The following CNTRL variants were observed in gnomAD, a reference collection of about 807,000 sequenced individuals.
CNTRL encodes 110 kDa centrosomal protein.
In CNTRL, 233 loss-of-function variants were observed where a neutral mutation model predicts 303.7. That is an observed-to-expected ratio of 0.77 (90% CI 0.69 to 0.86). The LOEUF (loss-of-function observed/expected upper bound fraction) is 0.86. Among genes scored for constraint, CNTRL ranks in the 40% least tolerant of loss-of-function variants. The pLI is 0.00. For missense variants in CNTRL, 2,524 were observed against 2,650.6 expected (o/e 0.95, Z 1.05); for synonymous variants, 900 against 922.2 (o/e 0.98, Z 0.44).
chr9:121,125,987 C>A, intron 14 of CNTRL, 51 bp downstream of exon 14: 7 of 1,464,022 alleles, frequency 4.8e-6, no homozygotes, highest in Non-Finnish European at 6.7e-6. Flanking sequence ...TAGATAATGT[C>A]CAAATTAAGT....
At chr9:121,144,736 G>A (rs2134063066) in intron 20 of CNTRL, 107 bp from the exon 21 acceptor site, 1 of 895,876 alleles carries the variant, frequency 1.1e-6, no homozygotes, top group East Asian at 2.4e-5. Context: ...TTCATGGACA[G>A]CCTGGTAGGC....
Position 121,158,031 on chromosome 9 carries a change from T to A in CNTRL, c.4686T>A (p.Asp1562Glu). The A allele has an allele frequency of 6.2e-7, 1 of 1,614,028 alleles. No individual in the cohort carries two copies. The highest frequency in any genetic ancestry group is 8.5e-7 in the Non-Finnish European group (1 of 1,179,998). ...TAGAGATGGCAGAACGCAATGAGGA[T>A]CACCACCTGCAGGTCCTTAAAGAAT... Reference protein sequence around the residue: ...KDIEMAERNEDHHLQVLKESE... With the variant: ...KDIEMAERNEEHHLQVLKESE... The change falls in exon 30 of 44, where the codon GAT (aspartate) becomes GAA (glutamate). Residue 1562 changes from aspartate to glutamate, a missense_variant. Coordinates refer to ENST00000373855, the MANE Select transcript of CNTRL (RefSeq NM_007018.6).
chr9:121,120,694 T>G (rs1052049268), intron 12 of CNTRL, among the ~76,000 whole-genome samples: 8 of 152,324 alleles, frequency 5.3e-5, no homozygotes, highest in Admixed American at 5.2e-4. Flanking sequence ...AACAAATGAC[T>G]GTTATATTTC....
chr9:121,091,190 C>T (rs2048555184), intron 4 of CNTRL, among the ~76,000 whole-genome samples: 1 of 152,210 alleles, frequency 6.6e-6, no homozygotes, highest in Non-Finnish European at 1.5e-5. Context: ...CTAATTCCTG[C>T]TCTAGAGTGT....
intron 2 of CNTRL, among the ~76,000 whole-genome samples, chr9:121,087,809 G>A (rs554949635): frequency 1.3e-5 from 2 of 152,334 alleles, no homozygotes; most frequent in South Asian, 4.1e-4. Flanking sequence ...GAGTTCTGAT[G>A]TTTAAATTAC....
Position 121,144,882 on chromosome 9 carries a change from C to CA in CNTRL, c.3093dup (p.Ala1032SerfsTer11). On this transcript the variant is annotated frameshift_variant, in exon 21 of 44. Coordinates refer to ENST00000373855, the MANE Select transcript of CNTRL (RefSeq NM_007018.6). LOFTEE classifies it high-confidence loss of function. ...AGAGAGGTTCAGCAGAAAGGCAGCACAAGCAGCCAGAGATCTCACCCGAGC... is the reference window on the plus strand; with the variant it reads ...AGAGAGGTTCAGCAGAAAGGCAGCACAAAGCAGCCAGAGATCTCACCCGAGC... The CA allele has an allele frequency of 5.6e-6, 9 of 1,613,468 alleles. No individual in the cohort carries two copies. Among genetic ancestry groups the CA allele is most frequent in the Non-Finnish European group, 7.6e-6 (9 of 1,179,944 alleles).
chr9:121,169,865 A>C (rs761250085), intron 39 of CNTRL, 49 bp downstream of exon 39: 106 of 1,477,786 alleles, frequency 7.2e-5, no homozygotes, highest in Admixed American at 1.4e-4. Context: ...TAAATTTAAA[A>C]TTTTAAACTG....
At chr9:121,171,329 A>C in intron 39 of CNTRL, 79 bp from the exon 40 acceptor site, 2 of 1,477,838 alleles carry the variant, frequency 1.4e-6, no homozygotes, top group Non-Finnish European at 1.9e-6. Context: ...ATGAAGTTAT[A>C]GAGCTAGTGA....
Position 121,142,193 on chromosome 9 carries a change from C to A in CNTRL, c.2794C>A (p.Leu932Ile). The change falls in exon 19 of 44, where the codon CTT becomes ATT. Residue 932 changes from leucine to isoleucine, a missense_variant. Transcript: ENST00000373855. ...AAAAAGTATGGAGGAAATCCAAGGC[C>A]TTACAGATCTCCAACTTCAGGAAGC... ...NLKSMEEIQG[L>I]TDLQLQEADE... 6.2e-7 allele frequency: 1 copy of A among 1,612,486 alleles called. No homozygotes were observed. The highest frequency in any genetic ancestry group is 8.5e-7 in the Non-Finnish European group (1 of 1,179,350).
Position 121,132,363 on chromosome 9 carries a change from T to C in CNTRL, c.2026-3443T>C, listed in dbSNP as rs554443776. Among the ~76,000 whole-genome samples, 5 of 152,300 alleles carry C rather than the reference T, an allele frequency of 3.3e-5. No homozygotes were observed. In the South Asian group the frequency reaches 1.0e-3, roughly 32 times the overall value. On this transcript the variant is annotated intron_variant, in intron 14 of 43. Coordinates refer to ENST00000373855, the MANE Select transcript of CNTRL (RefSeq NM_007018.6). Reference sequence around the variant, plus strand: ...TCTTTTTTCTCTAAACTTCTCTTCTTGCTTTATTTCGTTAATTTGATCTTC... The same window carrying C: ...TCTTTTTTCTCTAAACTTCTCTTCTCGCTTTATTTCGTTAATTTGATCTTC...
Position 121,141,577 on chromosome 9 carries a change from C to A in CNTRL, c.2680C>A (p.Leu894Met). The part of the protein sequence containing the change: ...EEFRQACERA[L>M]EARMNFDKRQ... ...GTTCAGGCAGGCCTGTGAGAGAGCC[C>A]TGGAAGCAAGAGTAAGACAAGGGCA... The change falls in exon 18 of 44, where the codon CTG becomes ATG. Residue 894 changes from leucine to methionine, a missense_variant. By Grantham distance (15) the Leu-to-Met change is conservative. Coordinates refer to ENST00000373855, the MANE Select transcript of CNTRL (RefSeq NM_007018.6). The A allele has an allele frequency of 6.2e-7, 1 of 1,613,954 alleles. No individual in the cohort carries two copies.
chr9:121,145,702 C>G (rs1180108360), intron 22 of CNTRL, among the ~76,000 whole-genome samples: 1 of 152,052 alleles, frequency 6.6e-6, no homozygotes, highest in East Asian at 1.9e-4. Context: ...CGAGACCAGC[C>G]TGGCCAACAT....
In CNTRL at chr9:121,169,956, C is replaced by G. The variant is rs2053239138; in HGVS notation, c.6276+140C>G. 9.7e-6 allele frequency: 7 copies of G among 718,184 alleles called. 1 individual carries two copies. The South Asian group carries it at 1.3e-4, about 14-fold the overall frequency. 44.5% of individuals were successfully genotyped at this position (718,184 alleles called of 1,614,324 possible). ...AGCTGTTGTTATTGATGTATTTATG[C>G]ATCATTTGTCCTTGAAGTTGATGGT... is the stretch of plus-strand genomic sequence containing the variant. On this transcript the variant is annotated intron_variant, in intron 39 of 43. Coordinates refer to ENST00000373855, the MANE Select transcript of CNTRL (RefSeq NM_007018.6).
At chr9:121,075,241 G>A (rs1422604502) in intron 1 of CNTRL, among the ~76,000 whole-genome samples, 174 bp downstream of exon 1, 1 of 152,276 alleles carries the variant, frequency 6.6e-6, no homozygotes, top group African/African-American at 2.4e-5. Flanking sequence ...GGAGGGCCCG[G>A]AACGGGCGTG....
intron 12 of CNTRL, among the ~76,000 whole-genome samples, chr9:121,119,075 A>T (rs1564227749): frequency 9.4e-6 from 1 of 106,706 alleles, no homozygotes; most frequent in East Asian, 2.9e-4. Context: ...ATTATACATA[A>T]ATATATGTGT....
At chr9:121,176,862 A>G (rs1042364581) in intron 43 of CNTRL, among the ~76,000 whole-genome samples, 5 of 152,210 alleles carry the variant, frequency 3.3e-5, no homozygotes, top group African/African-American at 9.6e-5. Flanking sequence ...CAAGTTCTGC[A>G]AGGTCCATCA....
At chr9:121,088,616 T>A in intron 3 of CNTRL, 73 bp downstream of exon 3, 1 of 895,310 alleles carries the variant, frequency 1.1e-6, no homozygotes, top group Non-Finnish European at 1.8e-6. Flanking sequence ...CGGCTTGCAT[T>A]TTTGGTCCAA....
chr9:121,130,362 G>T (rs540152975), intron 14 of CNTRL, among the ~76,000 whole-genome samples: 3 of 151,962 alleles, frequency 2.0e-5, no homozygotes, highest in African/African-American at 7.2e-5. Flanking sequence ...GTCTTGGGAG[G>T]GTGTATGTGT....
At chr9:121,128,256 C>T (rs1195113057) in intron 14 of CNTRL, among the ~76,000 whole-genome samples, 1 of 152,206 alleles carries the variant, frequency 6.6e-6, no homozygotes, top group African/African-American at 2.4e-5. Context: ...TTTACACTCC[C>T]ACCAACAGTG....
Sources: allele counts gnomAD v4.1 joint callset (sites outside exome capture counted in the v4.1 genomes callset), GRCh38; gene constraint gnomAD v4.1.1; transcripts MANE v1.5; gene names NCBI Gene and HGNC (gene_info 2026-07-23, HGNC 2026-07-21).